Variants in ANKRD6 observed in about 807,000 individuals in gnomAD.
ANKRD6 encodes ankyrin repeat domain-containing protein 6.
Under a neutral mutation model 82.3 loss-of-function variants are expected in ANKRD6, and 56 were observed. The ratio of observed to expected loss-of-function variants is 0.68; its 90% CI spans 0.55 to 0.85. The LOEUF is 0.85. Among genes scored for constraint, ANKRD6 ranks in the 40% least tolerant of loss-of-function variants. The probability of loss-of-function intolerance (pLI) is 0.00; values close to 1 mark genes in which losing one functional copy is unlikely to be tolerated. For missense variants in ANKRD6, 852 were observed against 907.6 expected (o/e 0.94, Z 0.79); for synonymous variants, 347 against 352.1 (o/e 0.99, Z 0.16).
In ANKRD6 at chr6:89,596,034, C is replaced by T. The variant is rs772005253; in HGVS notation, c.219+20C>T. On this transcript the variant is annotated intron_variant, in intron 3 of 15. Transcript: ENST00000339746. The stretch of plus-strand genomic sequence containing the variant: ...GATGATGTGAGTAGAAGCCATCATT[C>T]TATCAGGCTGAGTTGGCAGGGGAGG... The T allele has an allele frequency of 2.5e-6, 4 of 1,590,852 alleles. No homozygotes were observed. Among genetic ancestry groups the T allele is most frequent in the East Asian group, 4.5e-5 (2 of 44,220 alleles).
intron 1 of ANKRD6, among the ~76,000 whole-genome samples, chr6:89,566,088 T>A (rs1017872813): frequency 6.6e-6 from 1 of 152,240 alleles, no homozygotes; most frequent in Non-Finnish European, 1.5e-5. Flanking sequence ...GGCTTTAGTG[T>A]TCCATAGGTG....
chr6:89,436,765 G>A (rs755372965), intron 1 of ANKRD6, among the ~76,000 whole-genome samples: 2 of 152,210 alleles, frequency 1.3e-5, no homozygotes, highest in Non-Finnish European at 2.9e-5. Context: ...AACAAATTCT[G>A]TTGATGGTGC....
At chr6:89,620,837 G>A (rs1031146533) in intron 9 of ANKRD6, among the ~76,000 whole-genome samples, 4 of 152,214 alleles carry the variant, frequency 2.6e-5, no homozygotes, top group Admixed American at 1.3e-4. Context: ...AGCCCAAGAT[G>A]GGCAGATCAT....
Position 89,606,031 on chromosome 6 carries a change from G to A in ANKRD6, c.343G>A (p.Ala115Thr), listed in dbSNP as rs1410283209. The A allele has an allele frequency of 1.3e-6, 2 of 1,596,132 alleles. No individual in the cohort carries two copies. Among genetic ancestry groups the A allele is most frequent in the Non-Finnish European group, 1.7e-6 (2 of 1,170,656 alleles). The change falls in exon 5 of 16, where the codon GCA becomes ACA. Residue 115 changes from alanine to threonine, a missense_variant. By Grantham distance (58) the Ala-to-Thr change is moderately conservative. Transcript: ENST00000339746. ...GGATGGGAATACAGCCTTGCATGAA[G>A]CATCCTGGCATGGTTTCAGCCAGTC... ...DKDGNTALHE[A>T]SWHGFSQSAK... is the part of the protein sequence containing the mutation.
chr6:89,535,291 C>A (rs1783680566), intron 1 of ANKRD6, among the ~76,000 whole-genome samples: 1 of 152,048 alleles, frequency 6.6e-6, no homozygotes, highest in South Asian at 2.1e-4. Flanking sequence ...CAAAGGCCTG[C>A]AGTATAAAAT....
chr6:89,496,978 C>T (rs1582923173), intron 1 of ANKRD6, among the ~76,000 whole-genome samples: 1 of 152,270 alleles, frequency 6.6e-6, no homozygotes, highest in South Asian at 2.1e-4. Context: ...AAGCTTCTAC[C>T]CCAAACAGAA....
At chr6:89,572,031 G>A (rs1297042203) in intron 2 of ANKRD6, among the ~76,000 whole-genome samples, 1 of 152,084 alleles carries the variant, frequency 6.6e-6, no homozygotes, top group Non-Finnish European at 1.5e-5. Flanking sequence ...ACAATATGTA[G>A]CCTTTTTATA....
At chr6:89,501,022 G>A (rs1167251171) in intron 1 of ANKRD6, among the ~76,000 whole-genome samples, 1 of 120,928 alleles carries the variant, frequency 8.3e-6, no homozygotes, top group African/African-American at 3.2e-5. Flanking sequence ...AGCTCTTACT[G>A]TATCTGAAAG....
intron 1 of ANKRD6, among the ~76,000 whole-genome samples, chr6:89,540,532 T>C (rs1422589173): frequency 6.6e-6 from 1 of 152,250 alleles, no homozygotes; most frequent in Non-Finnish European, 1.5e-5. Flanking sequence ...ATTAATCCCT[T>C]GTCAGGTGGA....
chr6:89,617,300 G>A (rs1360521033), intron 8 of ANKRD6, among the ~76,000 whole-genome samples: 1 of 152,190 alleles, frequency 6.6e-6, no homozygotes, highest in South Asian at 2.1e-4. Context: ...CTTGGCTCCT[G>A]TATCTAGCTC....
intron 1 of ANKRD6, among the ~76,000 whole-genome samples, chr6:89,522,111 G>A (rs778546299): frequency 5.3e-5 from 8 of 152,194 alleles, no homozygotes; most frequent in Non-Finnish European, 1.2e-4. Flanking sequence ...TGTTTTCAGT[G>A]TGCGCATTAT....
At chr6:89,497,257 T>C (rs1582924571) in intron 1 of ANKRD6, among the ~76,000 whole-genome samples, 1 of 152,244 alleles carries the variant, frequency 6.6e-6, no homozygotes, top group African/African-American at 2.4e-5. Flanking sequence ...ATTTAGGATA[T>C]TTAAAATTGA....
intron 1 of ANKRD6, among the ~76,000 whole-genome samples, chr6:89,521,125 G>A (rs1781835581): frequency 6.6e-6 from 1 of 152,174 alleles, no homozygotes; most frequent in South Asian, 2.1e-4. Flanking sequence ...TTTTAAATAA[G>A]TATTAAAACT....
intron 1 of ANKRD6, among the ~76,000 whole-genome samples, chr6:89,514,480 C>A (rs1185008139): frequency 6.6e-6 from 1 of 152,090 alleles, no homozygotes; most frequent in Admixed American, 6.5e-5. Flanking sequence ...CAAGACAATT[C>A]TACTTTTTCC....
intron 1 of ANKRD6, among the ~76,000 whole-genome samples, chr6:89,519,129 G>A (rs1285597989): frequency 6.6e-6 from 1 of 152,178 alleles, no homozygotes; most frequent in East Asian, 1.9e-4. Flanking sequence ...CTAGGTACTG[G>A]GGGTTTGGGC....
At chr6:89,570,010 A>G (rs568861255) in intron 2 of ANKRD6, among the ~76,000 whole-genome samples, 3 of 151,730 alleles carry the variant, frequency 2.0e-5, no homozygotes, top group South Asian at 4.2e-4. Context: ...TTTTTAGTGA[A>G]GTCAAGTTTA....
At chr6:89,447,313 C>G (rs780523807) in intron 1 of ANKRD6, among the ~76,000 whole-genome samples, 2 of 152,086 alleles carry the variant, frequency 1.3e-5, no homozygotes, top group East Asian at 3.9e-4. Context: ...AGTGAAACAG[C>G]CTTATTGTTA....
intron 2 of ANKRD6, among the ~76,000 whole-genome samples, chr6:89,592,604 A>G (rs537430231): frequency 1.3e-5 from 2 of 152,308 alleles, no homozygotes; most frequent in African/African-American, 4.8e-5. Flanking sequence ...GTGCCCTCCC[A>G]GAAGTGATCT....
chr6:89,536,613 G>C (rs1167077213), intron 1 of ANKRD6, among the ~76,000 whole-genome samples: 2 of 152,238 alleles, frequency 1.3e-5, no homozygotes, highest in African/African-American at 4.8e-5. Flanking sequence ...TGTCTCCAAA[G>C]GCTTCCCTGT....
Sources: gnomAD v4.1 joint callset for allele counts (sites outside exome capture counted in the v4.1 genomes callset) on GRCh38, gnomAD v4.1.1 for gene constraint, MANE v1.5 for transcripts, NCBI Gene and HGNC (gene_info 2026-07-23, HGNC 2026-07-21) for gene names.